The following NECAB1 variants were observed in gnomAD, a reference collection of about 807,000 sequenced individuals.
NECAB1 encodes N-terminal EF-hand calcium binding protein 1.
Under a neutral mutation model 57.5 loss-of-function variants are expected in NECAB1, and 29 were observed. The observed-to-expected ratio is 0.50, with a 90% confidence interval of 0.38 to 0.69. The LOEUF (loss-of-function observed/expected upper bound fraction) is 0.69. NECAB1 is among the 30% of genes least tolerant of loss of function. The probability of loss-of-function intolerance (pLI) is 0.00; values close to 1 mark genes in which losing one functional copy is unlikely to be tolerated. For synonymous variants in NECAB1, 142 were observed against 147.7 expected, an observed-to-expected ratio of 0.96 and a Z score of 0.28; for missense variants, 372 against 413.8, an observed-to-expected ratio of 0.90 and a Z score of 0.88.
Position 90,801,708 on chromosome 8 carries a change from C to G in NECAB1, c.117C>G (p.Asp39Glu). Residue 39 changes from aspartate to glutamate, a missense_variant, in exon 2 of 13, where the codon GAC becomes GAG. By Grantham distance (45) the Asp-to-Glu change is conservative (BLOSUM62 2). Transcript: ENST00000417640. ...CTTTCCAGATACTGAGGAGAGCAGA[C>G]AAAAATGGTAAGACCAAAAATCTAC... ...SIFLDILRRA[D>E]KNDDGKLSFE... The G allele has an allele frequency of 6.6e-7, 1 of 1,524,606 alleles. No individual in the cohort carries two copies. The highest frequency in any genetic ancestry group is 1.3e-5 in the South Asian group (1 of 79,156). 94.4% of individuals were successfully genotyped at this position (1,524,606 alleles called of 1,614,324 possible). A position where few individuals can be genotyped will look rare whatever the true frequency, so the allele number is the denominator to read the frequency against.
chr8:90,946,391 A>G (rs1415499546), intron 10 of NECAB1, among the ~76,000 whole-genome samples: 1 of 152,240 alleles, frequency 6.6e-6, no homozygotes, highest in Non-Finnish European at 1.5e-5. Flanking sequence ...ACCATGGACA[A>G]GACATTTCGT....
intron 3 of NECAB1, among the ~76,000 whole-genome samples, chr8:90,860,554 A>G (rs760617128): frequency 9.9e-5 from 15 of 152,208 alleles, no homozygotes; most frequent in Non-Finnish European, 2.1e-4. Flanking sequence ...TAGATTTAGG[A>G]CATCCTCAGA....
intron 3 of NECAB1, among the ~76,000 whole-genome samples, chr8:90,854,380 T>G (rs1012464199): frequency 5.3e-5 from 8 of 152,196 alleles, no homozygotes; most frequent in Non-Finnish European, 1.2e-4. Context: ...AGCACTGTGA[T>G]CTGGGTACTC....
At chr8:90,862,014 CTT>C (rs1456463409) in intron 3 of NECAB1, among the ~76,000 whole-genome samples, 1 of 152,154 alleles carries the variant, frequency 6.6e-6, no homozygotes, top group African/African-American at 2.4e-5. Flanking sequence ...ATACAGTACT[CTT>C]TTCCGTATCA....
intron 12 of NECAB1, 108 bp downstream of exon 12, chr8:90,951,312 CTTAT>C: frequency 8.3e-6 from 5 of 604,844 alleles, no homozygotes; most frequent in Middle Eastern, 3.3e-4. Context: ...ATGGTACTCT[CTTAT>C]TTATTTCTTT....
intron 1 of NECAB1, among the ~76,000 whole-genome samples, chr8:90,799,883 C>T (rs1009353208): frequency 5.9e-5 from 9 of 152,088 alleles, no homozygotes; most frequent in African/African-American, 2.2e-4. Context: ...TGAATGTATA[C>T]ATTGCTTTGG....
chr8:90,947,351 C>CACACACACACACAA (rs1342952213), intron 10 of NECAB1, among the ~76,000 whole-genome samples: 1 of 125,200 alleles, frequency 8.0e-6, no homozygotes, highest in Non-Finnish European at 1.7e-5. Context: ...CACACACACA[C>CACACACACACACAA]AATAAGCCAA....
At chr8:90,903,210 A>AT (rs1192356363) in intron 5 of NECAB1, among the ~76,000 whole-genome samples, 1 of 152,078 alleles carries the variant, frequency 6.6e-6, no homozygotes, top group Non-Finnish European at 1.5e-5. Flanking sequence ...ACAATTAAAT[A>AT]TTTTTATTAA....
At chr8:90,858,862 A>G (rs1006117798) in intron 3 of NECAB1, among the ~76,000 whole-genome samples, 4 of 152,214 alleles carry the variant, frequency 2.6e-5, no homozygotes, top group African/African-American at 9.7e-5. Context: ...ATAAGCAAAT[A>G]AACAATTATC....
At chr8:90,906,904 T>TGTATGTATGTATATATATATAC in intron 5 of NECAB1, among the ~76,000 whole-genome samples, 1 of 142,952 alleles carries the variant, frequency 7.0e-6, no homozygotes, top group Non-Finnish European at 1.5e-5. Flanking sequence ...TATATATATA[T>TGTATGTATGTATATATATATAC]ATATATCTTC....
intron 5 of NECAB1, among the ~76,000 whole-genome samples, chr8:90,912,613 A>T (rs976816783): frequency 6.6e-6 from 1 of 152,108 alleles, no homozygotes; most frequent in African/African-American, 2.4e-5. Flanking sequence ...TTGCCATCTA[A>T]GGTTTGCAAA....
At chr8:90,913,634 T>G (rs1038785512) in intron 5 of NECAB1, among the ~76,000 whole-genome samples, 1 of 152,186 alleles carries the variant, frequency 6.6e-6, no homozygotes, top group African/African-American at 2.4e-5. Context: ...GAATTAGGAA[T>G]GCAAAAAATC....
intron 4 of NECAB1, among the ~76,000 whole-genome samples, chr8:90,878,033 T>A (rs1197143819): frequency 2.0e-5 from 3 of 151,846 alleles, no homozygotes; most frequent in Admixed American, 1.3e-4. Context: ...ACTTGGGCAT[T>A]CTTTTTCTTT....
Position 90,797,350 on chromosome 8 carries a change from A to G in NECAB1, c.100-4341A>G, listed in dbSNP as rs79668632. Among the ~76,000 whole-genome samples the G allele has an allele frequency of 8.2e-3, 1,256 of 152,312 alleles. 27 individuals are homozygous for G. Among genetic ancestry groups the G allele is most frequent in the African/African-American group, 0.029 (1,212 of 41,566 alleles). ...TGGTGAGATCTTTAATAGTAATACT[A>G]GTATCTTAAAACACATTGTGGCAAT... On this transcript the variant is annotated intron_variant, in intron 1 of 12. Coordinates refer to ENST00000417640, the MANE Select transcript of NECAB1 (RefSeq NM_022351.5).
intron 3 of NECAB1, among the ~76,000 whole-genome samples, chr8:90,834,421 C>T (rs1812339044): frequency 6.6e-6 from 1 of 152,150 alleles, no homozygotes; most frequent in South Asian, 2.1e-4. Context: ...ATTCCACCCT[C>T]ATGAATGGGA....
chr8:90,848,783 G>C (rs761781025), intron 3 of NECAB1, among the ~76,000 whole-genome samples: 2 of 151,798 alleles, frequency 1.3e-5, no homozygotes, highest in African/African-American at 2.4e-5. Context: ...TAAGGAGTTT[G>C]AGACTAGCTT....
At chr8:90,855,500 C>T (rs1209439650) in intron 3 of NECAB1, among the ~76,000 whole-genome samples, 6 of 152,100 alleles carry the variant, frequency 3.9e-5, no homozygotes, top group Non-Finnish European at 8.8e-5. Flanking sequence ...AACTTTGGGT[C>T]ACATATCCAA....
chr8:90,857,477 T>A (rs1812814236), intron 3 of NECAB1, among the ~76,000 whole-genome samples: 1 of 152,202 alleles, frequency 6.6e-6, no homozygotes, highest in South Asian at 2.1e-4. Context: ...CTTGTGAAAT[T>A]AATTTTAGTG....
intron 5 of NECAB1, among the ~76,000 whole-genome samples, chr8:90,908,375 T>G (rs1809745714): frequency 6.6e-6 from 1 of 152,110 alleles, no homozygotes; most frequent in Non-Finnish European, 1.5e-5. Flanking sequence ...TGTACGAACA[T>G]AGTTCTGTGC....
Sources: gnomAD v4.1 joint callset for allele counts (sites outside exome capture counted in the v4.1 genomes callset) on GRCh38, gnomAD v4.1.1 for gene constraint, MANE v1.5 for transcripts, NCBI Gene and HGNC (gene_info 2026-07-23, HGNC 2026-07-21) for gene names.